The following SUSD6 variants were observed in gnomAD, a reference collection of about 807,000 sequenced individuals.
SUSD6 encodes sushi domain containing 6, also known as sushi domain-containing protein 6.
SUSD6 carries 16 observed loss-of-function variants against 28.4 expected under a neutral mutation model. The ratio of observed to expected loss-of-function variants is 0.56; its 90% confidence interval spans 0.38 to 0.86. SUSD6 has a LOEUF of 0.86. Ranked by LOEUF, SUSD6 falls within the 40% of genes least tolerant of loss-of-function variation. SUSD6 has a pLI of 0.00. For missense variants in SUSD6, 341 were observed against 384.2 expected, an observed-to-expected ratio of 0.89 and a Z score of 0.94; for synonymous variants, 147 against 159.6, an observed-to-expected ratio of 0.92 and a Z score of 0.59.
intron 1 of SUSD6, among the ~76,000 whole-genome samples, chr14:69,628,960 G>A (rs552356527): frequency 1.5e-3 from 232 of 152,210 alleles, no homozygotes; most frequent in African/African-American, 5.5e-3. Flanking sequence ...GCCAGCCTTG[G>A]CCTCCCAAAG....
chr14:69,616,962 C>G (rs761788060), intron 1 of SUSD6, among the ~76,000 whole-genome samples: 13 of 152,170 alleles, frequency 8.5e-5, no homozygotes, highest in Non-Finnish European at 1.3e-4. Flanking sequence ...TCCCACCTAG[C>G]CCTAGGCAAC....
intron 1 of SUSD6, among the ~76,000 whole-genome samples, chr14:69,644,177 C>T (rs1387458767): frequency 6.6e-6 from 1 of 151,968 alleles, no homozygotes; most frequent in African/African-American, 2.4e-5. Flanking sequence ...ATGTAGGTGC[C>T]CAATGTATGT....
Position 69,658,486 on chromosome 14 carries a change from C to T in SUSD6, c.-80-27C>T, listed in dbSNP as rs2139614688. 17 of 1,233,072 alleles carry T rather than the reference C, an allele frequency of 1.4e-5. No individual in the cohort carries two copies. The South Asian group carries it at 2.5e-4, about 18-fold the overall frequency. The allele number at this position is 1,233,072 out of a possible 1,614,324, so 76.4% of individuals were successfully genotyped here. ...AACTAACTTATGGCTGAAGTTTTCA[C>T]TTTATGTCCTTGTTTGTTTGTTACA... On this transcript the variant is annotated intron_variant, in intron 1 of 5. Transcript: ENST00000342745.
intron 2 of SUSD6, among the ~76,000 whole-genome samples, chr14:69,671,492 CA>C (rs1393197018): frequency 6.6e-6 from 1 of 152,196 alleles, no homozygotes; most frequent in East Asian, 1.9e-4. Flanking sequence ...GCATGTCTGA[CA>C]AAGACTCCTT....
intron 1 of SUSD6, among the ~76,000 whole-genome samples, chr14:69,619,191 T>G (rs549737840): frequency 2.0e-5 from 3 of 152,184 alleles, no homozygotes; most frequent in Non-Finnish European, 4.4e-5. Flanking sequence ...GTGGTTCATA[T>G]TTTTGGGAAC....
intron 1 of SUSD6, among the ~76,000 whole-genome samples, chr14:69,656,699 G>A (rs994698676): frequency 2.6e-5 from 4 of 152,192 alleles, no homozygotes; most frequent in African/African-American, 9.7e-5. Context: ...TCAACTCTAC[G>A]AAGTTAGTAT....
At chr14:69,668,183 C>T (rs1885773040) in intron 2 of SUSD6, among the ~76,000 whole-genome samples, 1 of 152,178 alleles carries the variant, frequency 6.6e-6, no homozygotes, top group South Asian at 2.1e-4. Flanking sequence ...GTTTTCATGC[C>T]TCAGGGATGC....
In SUSD6 at chr14:69,711,115, G is replaced by A; in HGVS notation, c.*136G>A. 1 of 856,850 alleles carries A rather than the reference G, an allele frequency of 1.2e-6. No homozygotes were observed. The highest frequency in any genetic ancestry group is 2.0e-5 in the Admixed American group (1 of 49,550). The allele number at this position is 856,850 out of a possible 1,614,324, so 53.1% of individuals were successfully genotyped here. On this transcript the variant is annotated 3_prime_UTR_variant, in exon 6 of 6. Coordinates refer to ENST00000342745, the MANE Select transcript of SUSD6 (RefSeq NM_014734.4). The stretch of plus-strand genomic sequence containing the variant: ...GCCACCTGTGTATCTGTGTATCTCT[G>A]AGGGCCCTATAGGCCCACCTTGCTG...
intron 1 of SUSD6, among the ~76,000 whole-genome samples, chr14:69,633,103 C>T (rs997744822): frequency 6.6e-6 from 1 of 152,178 alleles, no homozygotes; most frequent in Non-Finnish European, 1.5e-5. Flanking sequence ...ATTCTTGGTC[C>T]TCAAATATAG....
At chr14:69,614,954 A>C (rs941169177) in intron 1 of SUSD6, among the ~76,000 whole-genome samples, 1 of 152,232 alleles carries the variant, frequency 6.6e-6, no homozygotes, top group African/African-American at 2.4e-5. Context: ...CTGAAATGAC[A>C]TGCTATCTCC....
intron 1 of SUSD6, among the ~76,000 whole-genome samples, chr14:69,626,702 T>C (rs1167630411): frequency 6.6e-6 from 1 of 152,056 alleles, no homozygotes; most frequent in Non-Finnish European, 1.5e-5. Context: ...TTTTTCGAGA[T>C]AGGGTCTTGT....
At chr14:69,697,340 A>G (rs1050412754) in intron 2 of SUSD6, among the ~76,000 whole-genome samples, 1 of 152,158 alleles carries the variant, frequency 6.6e-6, no homozygotes, top group African/African-American at 2.4e-5. Context: ...CCTATGATTT[A>G]GAATGCCATG....
chr14:69,639,313 C>CAAA (rs57837741), intron 1 of SUSD6, among the ~76,000 whole-genome samples: 1,127 of 54,440 alleles, frequency 0.021, 235 homozygotes, highest in East Asian at 0.046. Context: ...GACTCCGTCT[C>CAAA]AAAAAAAAAA....
chr14:69,662,025 C>A (rs1885669669), intron 2 of SUSD6, among the ~76,000 whole-genome samples: 1 of 152,116 alleles, frequency 6.6e-6, no homozygotes, highest in Non-Finnish European at 1.5e-5. Flanking sequence ...CTGAAGTGAT[C>A]CTCTCCCCTC....
intron 1 of SUSD6, among the ~76,000 whole-genome samples, chr14:69,626,440 C>T (rs965072562): frequency 3.9e-5 from 6 of 152,192 alleles, no homozygotes; most frequent in Non-Finnish European, 7.3e-5. Context: ...CATCTTCTTG[C>T]AGGACTTGAT....
At chr14:69,616,930 G>C (rs4902741) in intron 1 of SUSD6, among the ~76,000 whole-genome samples, 18,476 of 152,010 alleles carry the variant, frequency 0.12, 1,472 homozygotes, top group Non-Finnish European at 0.17. Flanking sequence ...ACCCCAAAAA[G>C]TCACTCCCTA....
intron 2 of SUSD6, among the ~76,000 whole-genome samples, chr14:69,690,421 T>C (rs1271258678): frequency 6.6e-6 from 1 of 152,236 alleles, no homozygotes; most frequent in Admixed American, 6.5e-5. Context: ...GCATTCCTGT[T>C]GTTTTTAAAG....
At chr14:69,650,122 C>A (rs1428911103) in intron 1 of SUSD6, among the ~76,000 whole-genome samples, 1 of 152,068 alleles carries the variant, frequency 6.6e-6, no homozygotes, top group Non-Finnish European at 1.5e-5. Flanking sequence ...CTTGTTTAAC[C>A]TGTTGGCTGT....
rs1175528967 is a variant in SUSD6 at position 69,709,009 on chromosome 14, CAG to C, written c.792_793del (p.Gly265GlufsTer16). On this transcript the variant is annotated frameshift_variant, in exon 5 of 6. Transcript: ENST00000342745. LOFTEE classifies it high-confidence loss of function. ...ACCACCTCTTCCTGGGTGGCCGGCTCAGGGAACCGCCAACTGGCACACAAAGA... is the reference window on the plus strand; with the variant it reads ...ACCACCTCTTCCTGGGTGGCCGGCTCGGAACCGCCAACTGGCACACAAAGA... The C allele has an allele frequency of 1.2e-6, 2 of 1,614,038 alleles. No individual in the cohort carries two copies. Among genetic ancestry groups the C allele is most frequent in the Non-Finnish European group, 8.5e-7 (1 of 1,180,034 alleles).
Sources: gnomAD v4.1 joint callset for allele counts (sites outside exome capture counted in the v4.1 genomes callset) on GRCh38, gnomAD v4.1.1 for gene constraint, MANE v1.5 for transcripts, NCBI Gene and HGNC (gene_info 2026-07-23, HGNC 2026-07-21) for gene names.